The following NALCN variants were observed in gnomAD, a reference collection of about 807,000 sequenced individuals.
The protein encoded by NALCN is sodium leak channel NALCN.
A neutral mutation model predicts 225.3 loss-of-function variants in NALCN; 111 were observed. That is an observed-to-expected ratio of 0.49 (90% CI 0.42 to 0.58). The LOEUF (loss-of-function observed/expected upper bound fraction) is 0.58. NALCN is among the 20% of genes least tolerant of loss of function. The probability of loss-of-function intolerance (pLI) is 0.00; values close to 1 mark genes in which losing one functional copy is unlikely to be tolerated. For synonymous variants in NALCN, 764 were observed against 769.0 expected (o/e 0.99, Z 0.11); for missense variants, 1,378 against 2,202.4 (o/e 0.63, Z 7.49).
intron 7 of NALCN, among the ~76,000 whole-genome samples, chr13:101,332,804 G>A (rs1405389788): frequency 6.6e-6 from 1 of 152,210 alleles, no homozygotes; most frequent in African/African-American, 2.4e-5. Context: ...GAGACTTGCA[G>A]CAAATGTGGA....
intron 3 of NALCN, among the ~76,000 whole-genome samples, chr13:101,379,575 T>C (rs1448603315): frequency 6.6e-6 from 1 of 150,536 alleles, no homozygotes; most frequent in African/African-American, 2.4e-5. Context: ...GGGACATGGA[T>C]GAAGCTGGAA....
intron 13 of NALCN, among the ~76,000 whole-genome samples, chr13:101,215,672 G>A (rs972868337): frequency 5.5e-5 from 7 of 127,104 alleles, no homozygotes; most frequent in African/African-American, 1.9e-4. Flanking sequence ...TTCACAACAT[G>A]GAGGCTTACT....
Position 101,104,591 on chromosome 13 carries a change from G to A in NALCN, c.2696C>T (p.Ser899Phe). 2 of 1,614,014 alleles carry A rather than the reference G, an allele frequency of 1.2e-6. No homozygotes were observed. Among genetic ancestry groups the A allele is most frequent in the Non-Finnish European group, 1.7e-6 (2 of 1,179,922 alleles). The change falls in exon 24 of 44, where the codon TCT becomes TTT. Residue 899 changes from serine (S) to phenylalanine (F), a missense_variant. Physicochemically the swap from Ser to Phe is radical, Grantham distance 155 (BLOSUM62 -2). This residue lies in a region of NALCN where 292 missense variants were observed against 409.5 expected (regional missense o/e 0.71). Coordinates refer to ENST00000251127, the MANE Select transcript of NALCN (RefSeq NM_052867.4). This position sits in a 1 kb window ranked among gnomAD's most constrained non-coding sequence, Gnocchi z 4.2. ...GGACTCAAACATCATGGAAATGCAA[G>A]AGCAGATGGTTACGATGATCATGAC... Reference protein sequence around the residue: ...DWVMIIVTICSCISMMFESPF... With the variant: ...DWVMIIVTICFCISMMFESPF...
chr13:101,320,122 A>G (rs1376976993), intron 7 of NALCN, among the ~76,000 whole-genome samples: 1 of 152,194 alleles, frequency 6.6e-6, no homozygotes, highest in African/African-American at 2.4e-5. Context: ...CAGAATGAAC[A>G]TCATGATTAT....
rs1378866269 is a variant in NALCN at position 101,301,669 on chromosome 13, C to T, written c.800-9303G>A. On this transcript the variant is annotated intron_variant, in intron 7 of 43. Coordinates refer to ENST00000251127, the MANE Select transcript of NALCN (RefSeq NM_052867.4). ...CTGGGAGGCAGAGGGTGCAGTGAGCCGAGATCACACCACCGCACTCCAGCC... is the reference window on the plus strand; with the variant it reads ...CTGGGAGGCAGAGGGTGCAGTGAGCTGAGATCACACCACCGCACTCCAGCC... Among the ~76,000 whole-genome samples, 8 of 149,444 alleles carry T rather than the reference C, an allele frequency of 5.4e-5. No individual in the cohort carries two copies. The East Asian group carries it at 7.9e-4, about 15-fold the overall frequency.
intron 7 of NALCN, among the ~76,000 whole-genome samples, chr13:101,329,019 T>C (rs964685090): frequency 6.6e-6 from 1 of 152,148 alleles, no homozygotes; most frequent in African/African-American, 2.4e-5. Context: ...AATAAGTTAA[T>C]AACATGTCAC....
chr13:101,059,764 AAAAG>A, intron 42 of NALCN, 50 bp downstream of exon 42: 1 of 1,539,246 alleles, frequency 6.5e-7, no homozygotes, highest in Non-Finnish European at 8.8e-7. Flanking sequence ...TATTTTTATT[AAAAG>A]AAAGAAGCCC....
At chr13:101,295,151 G>T (rs1026995073) in intron 7 of NALCN, among the ~76,000 whole-genome samples, 1 of 152,152 alleles carries the variant, frequency 6.6e-6, no homozygotes, top group African/African-American at 2.4e-5. Context: ...AAAAGGTTCA[G>T]AGAGGAACAA....
intron 15 of NALCN, among the ~76,000 whole-genome samples, chr13:101,164,581 T>C (rs1404819969): frequency 6.6e-6 from 1 of 152,150 alleles, no homozygotes; most frequent in Non-Finnish European, 1.5e-5. Flanking sequence ...ACTTCTAGAT[T>C]CCTAGGCTGT....
At chr13:101,268,550 T>C (rs2042672147) in intron 10 of NALCN, among the ~76,000 whole-genome samples, 2 of 152,216 alleles carry the variant, frequency 1.3e-5, no homozygotes, top group Admixed American at 6.5e-5. Context: ...ATATTACATA[T>C]AGTCCTTTTC....
chr13:101,287,361 G>C (rs912734519), intron 9 of NALCN, among the ~76,000 whole-genome samples: 1 of 152,182 alleles, frequency 6.6e-6, no homozygotes, highest in African/African-American at 2.4e-5. Context: ...GGCTTGTAAT[G>C]GCTAAATTGA....
At chr13:101,072,397 G>A (rs1199811370) in intron 37 of NALCN, among the ~76,000 whole-genome samples, 1 of 152,194 alleles carries the variant, frequency 6.6e-6, no homozygotes, top group Non-Finnish European at 1.5e-5. Context: ...GTTATGGGAT[G>A]CTATGGAATA....
At chr13:101,303,768 C>T (rs927561472) in intron 7 of NALCN, among the ~76,000 whole-genome samples, 29 of 152,122 alleles carry the variant, frequency 1.9e-4, no homozygotes, top group African/African-American at 6.5e-4. Flanking sequence ...ACGGCTGCAC[C>T]AGGCCAGAGC....
rs71121179 is a variant in NALCN at position 101,279,836 on chromosome 13, A to AAAATAAATAAAT, written c.1134+4085_1134+4096dup. ...CGTCTCAAAAAATAAATAAATAAAT[A>AAAATAAATAAAT]AAATAAATAAATAAATAAATAAATA... On this transcript the variant is annotated intron_variant, in intron 10 of 43. Coordinates refer to ENST00000251127, the MANE Select transcript of NALCN (RefSeq NM_052867.4). Among the ~76,000 whole-genome samples, 577 of 133,994 alleles carry AAAATAAATAAAT rather than the reference A, an allele frequency of 4.3e-3. 6 individuals carry two copies. Among genetic ancestry groups the AAAATAAATAAAT allele is most frequent in the East Asian group, 0.02 (95 of 4,726 alleles). The allele number at this position is 133,994 out of a possible 152,430, so 87.9% of individuals were successfully genotyped here.
chr13:101,114,590 G>A (rs144698956), intron 18 of NALCN, among the ~76,000 whole-genome samples: 15 of 152,172 alleles, frequency 9.9e-5, no homozygotes, highest in African/African-American at 2.9e-4. Flanking sequence ...CACAGCTCAC[G>A]AGGAACTGAA....
At chr13:101,284,952 A>G (rs774111019) in intron 9 of NALCN, among the ~76,000 whole-genome samples, 2 of 152,170 alleles carry the variant, frequency 1.3e-5, no homozygotes, top group African/African-American at 2.4e-5. Context: ...TGGTAGGAAT[A>G]GGGCAAAATT....
intron 17 of NALCN, among the ~76,000 whole-genome samples, chr13:101,124,977 C>G (rs1566305633): frequency 6.6e-6 from 1 of 152,196 alleles, no homozygotes; most frequent in African/African-American, 2.4e-5. Flanking sequence ...GACCCTCATA[C>G]TGGACTCCTT....
chr13:101,396,487 G>GA (rs1428019471), intron 2 of NALCN, among the ~76,000 whole-genome samples: 1 of 152,012 alleles, frequency 6.6e-6, no homozygotes, highest in Non-Finnish European at 1.5e-5. Flanking sequence ...TACTCAAGAT[G>GA]AAAAATAGAA....
intron 6 of NALCN, among the ~76,000 whole-genome samples, chr13:101,357,746 G>T (rs1017843216): frequency 2.0e-5 from 3 of 152,082 alleles, no homozygotes; most frequent in Non-Finnish European, 4.4e-5. Flanking sequence ...TTAGGAAAAA[G>T]AACAAAGCTG....
Sources: allele counts gnomAD v4.1 joint callset (sites outside exome capture counted in the v4.1 genomes callset), GRCh38; gene constraint gnomAD v4.1.1; regional missense constraint gnomAD v4.1.1; non-coding constraint Gnocchi (gnomAD v3.1); transcripts MANE v1.5; gene names NCBI Gene and HGNC (gene_info 2026-07-23, HGNC 2026-07-21).